Variants in XPNPEP1 observed in about 807,000 individuals in gnomAD.
The protein encoded by XPNPEP1 is xaa-Pro aminopeptidase 1.
A neutral mutation model predicts 92.4 loss-of-function variants in XPNPEP1; 39 were observed. The ratio of observed to expected loss-of-function variants is 0.42; its 90% confidence interval spans 0.33 to 0.55. XPNPEP1 has a LOEUF of 0.55. Ranked by LOEUF, XPNPEP1 falls within the 20% of genes least tolerant of loss-of-function variation. The pLI is 0.08. For missense variants in XPNPEP1, 654 were observed against 856.1 expected, an observed-to-expected ratio of 0.76 and a Z score of 2.95; for synonymous variants, 307 against 299.4, an observed-to-expected ratio of 1.03 and a Z score of -0.26.
intron 3 of XPNPEP1, among the ~76,000 whole-genome samples, chr10:109,899,631 A>C (rs1849174663): frequency 1.3e-5 from 2 of 152,264 alleles, no homozygotes; most frequent in Non-Finnish European, 2.9e-5. Flanking sequence ...TATGAAATAC[A>C]AAACAAAACA....
At position 109,875,455 on chromosome 10, in the gene XPNPEP1, G is replaced by A. The variant is rs528020891; in HGVS notation, c.1391+73C>T. 73 of 1,406,482 alleles carry A rather than the reference G, an allele frequency of 5.2e-5. No individual in the cohort carries two copies. In the East Asian group the frequency reaches 1.5e-3, roughly 30 times the overall value. 87.1% of individuals were successfully genotyped at this position (1,406,482 alleles called of 1,614,324 possible). A position where few individuals can be genotyped will look rare whatever the true frequency, so the allele number is the denominator to read the frequency against. On this transcript the variant is annotated intron_variant, in intron 15 of 20. Transcript: ENST00000502935. ...GATGACCAGCTGAGTGCTCTCAGCT[G>A]GAGCTCAGCTGTCCACCTTCTCCAC...
chr10:109,868,499 A>C (rs911860972), intron 20 of XPNPEP1, 115 bp downstream of exon 20: 3 of 996,924 alleles, frequency 3.0e-6, no homozygotes, highest in African/African-American at 3.3e-5. Context: ...AAATTTAAAA[A>C]TTACAAAGTG....
At chr10:109,880,994 A>G in intron 10 of XPNPEP1, 63 bp from the exon 11 acceptor site, 2 of 1,502,462 alleles carry the variant, frequency 1.3e-6, no homozygotes, top group Non-Finnish European at 1.8e-6. Context: ...GACCAAGGCA[A>G]CAACCTTTTT....
chr10:109,885,017 G>A (rs1470485613), intron 8 of XPNPEP1, among the ~76,000 whole-genome samples: 1 of 152,184 alleles, frequency 6.6e-6, no homozygotes, highest in African/African-American at 2.4e-5. Context: ...TGGCAAGACA[G>A]ACAAATTCAA....
chr10:109,914,102 C>T (rs1850036614), intron 2 of XPNPEP1, among the ~76,000 whole-genome samples: 1 of 149,370 alleles, frequency 6.7e-6, no homozygotes, highest in South Asian at 2.1e-4. Context: ...AAAAAAAACA[C>T]ATGGTTCTCC....
rs1847203819 is a variant in XPNPEP1, at chr10:109,867,466, G to C, written c.1872+1148C>G. Among the ~76,000 whole-genome samples, 1 of 152,232 alleles carries C rather than the reference G, an allele frequency of 6.6e-6. No homozygotes were observed. On this transcript the variant is annotated intron_variant, in intron 20 of 20. Transcript: ENST00000502935. The surrounding 1 kb of genome is among the most constrained non-coding windows in gnomAD (Gnocchi z 4.5). Reference sequence around the variant, plus strand: ...CTGAACCAAGGGCACGGATGGTTAAGCAGAGGCGCTCAAGCACAGAGGAAA... The same window carrying C: ...CTGAACCAAGGGCACGGATGGTTAACCAGAGGCGCTCAAGCACAGAGGAAA...
chr10:109,883,514 C>T (rs1025510566), intron 9 of XPNPEP1, among the ~76,000 whole-genome samples: 1 of 152,178 alleles, frequency 6.6e-6, no homozygotes, highest in African/African-American at 2.4e-5. Context: ...ATCTCCCCAA[C>T]TCCAGCCAAG....
chr10:109,890,247 C>T (rs1848623168), intron 5 of XPNPEP1, among the ~76,000 whole-genome samples: 1 of 152,116 alleles, frequency 6.6e-6, no homozygotes, highest in Non-Finnish European at 1.5e-5. Flanking sequence ...TGCTAACAGA[C>T]TTAAGAGCTG....
At chr10:109,888,743 A>C in intron 5 of XPNPEP1, 148 bp from the exon 6 acceptor site, 1 of 543,574 alleles carries the variant, frequency 1.8e-6, no homozygotes. Context: ...AGAAAATCTG[A>C]ACCTCCCTTA....
At chr10:109,903,865 G>T (rs1849415767) in intron 3 of XPNPEP1, among the ~76,000 whole-genome samples, 2 of 144,990 alleles carry the variant, frequency 1.4e-5, no homozygotes, top group South Asian at 2.2e-4. Context: ...TTTTTTTTGA[G>T]ACAGGGTCTT....
In XPNPEP1 at chr10:109,867,811, T is replaced by C. The variant is rs1159375858; in HGVS notation, c.1872+803A>G. ...GCTTTTCATTGGAACTTCTGACCCCTGCCTTGCTCTGGAATTTGTGTCCTC... is the reference window on the plus strand; with the variant it reads ...GCTTTTCATTGGAACTTCTGACCCCCGCCTTGCTCTGGAATTTGTGTCCTC... On this transcript the variant is annotated intron_variant, in intron 20 of 20. Transcript: ENST00000502935. The surrounding 1 kb of genome is among the most constrained non-coding windows in gnomAD (Gnocchi z 4.5). Among the ~76,000 whole-genome samples, 2 of 152,262 alleles carry C rather than the reference T, an allele frequency of 1.3e-5. No individual in the cohort carries two copies. Among genetic ancestry groups the C allele is most frequent in the Non-Finnish European group, 2.9e-5 (2 of 68,048 alleles).
chr10:109,873,490 G>A, intron 15 of XPNPEP1, 63 bp from the exon 16 acceptor site: 2 of 1,599,028 alleles, frequency 1.3e-6, no homozygotes, highest in South Asian at 1.1e-5. Context: ...ATATGACACA[G>A]GCAAGCATGT....
intron 1 of XPNPEP1, among the ~76,000 whole-genome samples, chr10:109,918,637 T>C (rs1382060876): frequency 6.6e-6 from 1 of 151,894 alleles, no homozygotes; most frequent in East Asian, 1.9e-4. Context: ...GGCGGGCGCA[T>C]GTAGTCCCAG....
chr10:109,883,273 G>T (rs1212693033), intron 9 of XPNPEP1, among the ~76,000 whole-genome samples: 15 of 151,960 alleles, frequency 9.9e-5, no homozygotes, highest in Admixed American at 9.8e-4. Flanking sequence ...CAGAGTCTCT[G>T]AAAATGCTGT....
chr10:109,895,255 C>T (rs1848923649), intron 3 of XPNPEP1, among the ~76,000 whole-genome samples: 1 of 152,194 alleles, frequency 6.6e-6, no homozygotes, highest in Non-Finnish European at 1.5e-5. Flanking sequence ...AAGATACTGG[C>T]AAAGACTGGC....
rs1850677851 is a variant in XPNPEP1 at position 109,923,469 on chromosome 10, C to A, written c.-36G>T. ...CGTGCCCCAGCCCACGTCAGGGGAG[C>A]GCAGACCAGCTGATCACCCGCGGAA... On this transcript the variant is annotated 5_prime_UTR_variant, in exon 1 of 21. Coordinates refer to ENST00000502935, the MANE Select transcript of XPNPEP1 (RefSeq NM_020383.4). 1 of 1,384,492 alleles carries A rather than the reference C, an allele frequency of 7.2e-7. No individual in the cohort carries two copies. 85.8% of individuals were successfully genotyped at this position (1,384,492 alleles called of 1,614,324 possible). A position where few individuals can be genotyped will look rare whatever the true frequency, so the allele number is the denominator to read the frequency against.
chr10:109,909,616 T>C (rs1347426915), intron 2 of XPNPEP1, among the ~76,000 whole-genome samples: 2 of 152,236 alleles, frequency 1.3e-5, no homozygotes, highest in Non-Finnish European at 2.9e-5. Flanking sequence ...TATTAGTTAA[T>C]GTTCTGATAA....
At chr10:109,908,335 T>C (rs1262707104) in intron 2 of XPNPEP1, among the ~76,000 whole-genome samples, 1 of 152,264 alleles carries the variant, frequency 6.6e-6, no homozygotes, top group Non-Finnish European at 1.5e-5. Flanking sequence ...CTGGGCGCAG[T>C]GGCTCACGCC....
chr10:109,918,778 G>A (rs1158612832), intron 1 of XPNPEP1, among the ~76,000 whole-genome samples: 1 of 147,432 alleles, frequency 6.8e-6, no homozygotes, highest in African/African-American at 2.5e-5. Flanking sequence ...AAGGAAGACA[G>A]GAAGGAAGGA....
Sources: allele counts gnomAD v4.1 joint callset (sites outside exome capture counted in the v4.1 genomes callset), GRCh38; gene constraint gnomAD v4.1.1; non-coding constraint Gnocchi (gnomAD v3.1); transcripts MANE v1.5; gene names NCBI Gene and HGNC (gene_info 2026-07-23, HGNC 2026-07-21).